The following ITGB1BP1 variants were observed in gnomAD, a reference collection of about 807,000 sequenced individuals.
ITGB1BP1 encodes the protein integrin beta-1-binding protein 1.
In ITGB1BP1, 20 loss-of-function variants were observed where a neutral mutation model predicts 28.0. The observed-to-expected ratio is 0.71, with a 90% CI of 0.50 to 1.04. The LOEUF (loss-of-function observed/expected upper bound fraction) is 1.04, where lower values mean the gene tolerates loss of function less well. Ranked by LOEUF, ITGB1BP1 falls within the 50% of genes least tolerant of loss-of-function variation. The probability of loss-of-function intolerance (pLI) is 0.00; values close to 1 mark genes in which losing one functional copy is unlikely to be tolerated. For synonymous variants in ITGB1BP1, 103 were observed against 89.5 expected (o/e 1.15, Z -0.85); for missense variants, 228 against 242.5 (o/e 0.94, Z 0.40).
intron 1 of ITGB1BP1, 45 bp downstream of exon 1, chr2:9,423,328 C>A: frequency 8.2e-7 from 1 of 1,220,126 alleles, no homozygotes; most frequent in Non-Finnish European, 1.0e-6. Context: ...TCCCGTCAGG[C>A]CTCCGCGAGC....
At chr2:9,422,893 C>G in intron 1 of ITGB1BP1, 1 of 986,272 alleles carries the variant, frequency 1.0e-6, no homozygotes, top group African/African-American at 1.7e-5. Flanking sequence ...AGAGTAAGGA[C>G]GGATGCGGCC....
intron 1 of ITGB1BP1, chr2:9,422,887 T>G: frequency 1.0e-6 from 1 of 985,836 alleles, no homozygotes; most frequent in South Asian, 4.7e-5. Context: ...GTCACCAGAG[T>G]AAGGACGGAT....
intron 1 of ITGB1BP1, among the ~76,000 whole-genome samples, chr2:9,420,617 T>C (rs1433966115): frequency 1.3e-5 from 2 of 152,128 alleles, no homozygotes; most frequent in Non-Finnish European, 2.9e-5. Context: ...CTGGAGGCAA[T>C]GCCGTGCGGG....
intron 4 of ITGB1BP1, among the ~76,000 whole-genome samples, chr2:9,409,640 AT>A (rs538797243): frequency 6.6e-6 from 1 of 150,756 alleles, no homozygotes; most frequent in African/African-American, 2.4e-5. Context: ...TAACAAAACC[AT>A]TTTTTTTTCT....
At chr2:9,422,054 TAAAA>T (rs1679944128) in intron 1 of ITGB1BP1, among the ~76,000 whole-genome samples, 1 of 152,120 alleles carries the variant, frequency 6.6e-6, no homozygotes, top group Non-Finnish European at 1.5e-5. Context: ...CCTCACCCTA[TAAAA>T]ATGCACATCC....
intron 2 of ITGB1BP1, among the ~76,000 whole-genome samples, chr2:9,416,388 A>G (rs968421438): frequency 3.3e-5 from 5 of 152,170 alleles, no homozygotes; most frequent in African/African-American, 9.7e-5. Context: ...CATGGAGTAC[A>G]GCAGAGGACC....
chr2:9,409,172 G>A (rs1677979803), intron 4 of ITGB1BP1, among the ~76,000 whole-genome samples: 1 of 152,206 alleles, frequency 6.6e-6, no homozygotes, highest in African/African-American at 2.4e-5. Context: ...CTCCCAGACC[G>A]GAATACCACC....
intron 1 of ITGB1BP1, among the ~76,000 whole-genome samples, chr2:9,421,686 C>CAAAA (rs200781388): frequency 0.036 from 2,865 of 78,632 alleles, 102 homozygotes; most frequent in African/African-American, 0.12. Flanking sequence ...GACTCCGTCT[C>CAAAA]AAAAAAAAAA....
At chr2:9,407,634 C>T (rs746089139) in intron 5 of ITGB1BP1, 36 bp from the exon 6 acceptor site, 3 of 1,611,640 alleles carry the variant, frequency 1.9e-6, no homozygotes, top group Non-Finnish European at 8.5e-7. Context: ...GAGATCAGGA[C>T]TCTCAAATGT....
chr2:9,411,142 TTTTGA>T (rs1572697793), intron 4 of ITGB1BP1, among the ~76,000 whole-genome samples: 1 of 152,238 alleles, frequency 6.6e-6, no homozygotes, highest in Non-Finnish European at 1.5e-5. Context: ...TATCTTATAC[TTTTGA>T]TTTAATTTTC....
intron 1 of ITGB1BP1, among the ~76,000 whole-genome samples, chr2:9,421,103 C>CTGA (rs1313970928): frequency 6.6e-6 from 1 of 152,086 alleles, no homozygotes; most frequent in Non-Finnish European, 1.5e-5. Flanking sequence ...CATATTTAAA[C>CTGA]ATCAGATACT....
In ITGB1BP1 at chr2:9,412,329, G is replaced by C; in HGVS notation, c.228C>G (p.Leu76=). The part of the protein sequence containing the change: ...KYVGAIEKLK[L]SEGKGLEGPL... ...GCCCTTCAAGGCCTTTTCCCTCGGA[G>C]AGTTTCAGTTTCTCAATGGCACCAA... The change falls in exon 4 of 7, where the codon CTC becomes CTG. Residue 76 remains leucine (L), a synonymous_variant. Coordinates refer to ENST00000355346, the MANE Select transcript of ITGB1BP1 (RefSeq NM_004763.5). The C allele has an allele frequency of 6.2e-7, 1 of 1,612,166 alleles. No homozygotes were observed. Among genetic ancestry groups the C allele is most frequent in the Non-Finnish European group, 8.5e-7 (1 of 1,178,596 alleles).
intron 3 of ITGB1BP1, 134 bp from the exon 4 acceptor site, chr2:9,412,539 AT>A: frequency 1.5e-6 from 1 of 685,096 alleles, no homozygotes; most frequent in Non-Finnish European, 2.4e-6. Flanking sequence ...AATACACAAT[AT>A]TTTTATGTAA....
At chr2:9,414,291 TG>T (rs1261220455) in intron 2 of ITGB1BP1, 35 bp from the exon 3 acceptor site, 1 of 1,526,054 alleles carries the variant, frequency 6.6e-7, no homozygotes, top group Non-Finnish European at 9.1e-7. Context: ...AAACCTCCAC[TG>T]AAGCAGCCCT....
At position 9,412,307 on chromosome 2, in the gene ITGB1BP1, C is replaced by T. The variant is rs752012988; in HGVS notation, c.250G>A (p.Gly84Arg). ...LKLSEGKGLE[G>R]PLDLINYIDV... is the part of the protein sequence containing the mutation. ...ATATAATTTATCAGGTCTAATGGCC[C>T]TTCAAGGCCTTTTCCCTCGGAGAGT... Residue 84 changes from glycine (G) to arginine (R), a missense_variant, in exon 4 of 7, where the codon GGG becomes AGG. Transcript: ENST00000355346. The T allele has an allele frequency of 6.2e-6, 10 of 1,612,368 alleles. No individual in the cohort carries two copies. Among genetic ancestry groups the T allele is most frequent in the Non-Finnish European group, 7.6e-6 (9 of 1,179,030 alleles).
chr2:9,418,647 G>A lies in ITGB1BP1; in HGVS notation c.51C>T (p.Ser17=), dbSNP rs143507814. The part of the protein sequence containing the change: ...KRHSSSSSQS[S]EISTKSKSVD... ...CTACCTTGCTCTTAGTACTGATTTCGCTACTTTGGGAACTGCTACTACTGT... is the reference window on the plus strand; with the variant it reads ...CTACCTTGCTCTTAGTACTGATTTCACTACTTTGGGAACTGCTACTACTGT... Residue 17 remains serine (S), a synonymous_variant, in exon 2 of 7, where the codon AGC becomes AGT. Transcript: ENST00000355346. 1.5e-5 allele frequency: 24 copies of A among 1,612,312 alleles called. No individual in the cohort carries two copies. The highest frequency in any genetic ancestry group is 1.7e-4 in the Middle Eastern group (1 of 6,060).
chr2:9,406,767 T>C lies in ITGB1BP1; in HGVS notation c.*67A>G, dbSNP rs1339373498. The stretch of plus-strand genomic sequence containing the variant: ...GGATAACTTCATTATTTGCATAACA[T>C]TTCAGCATTGCAGTTTGAAAACAGC... On this transcript the variant is annotated 3_prime_UTR_variant, in exon 7 of 7. Transcript: ENST00000355346. 151 of 1,023,312 alleles carry C rather than the reference T, an allele frequency of 1.5e-4. 1 individual carries two copies. The highest frequency in any genetic ancestry group is 3.1e-6 in the Non-Finnish European group (2 of 640,478). The allele number at this position is 1,023,312 out of a possible 1,614,324, so 63.4% of individuals were successfully genotyped here.
chr2:9,423,417 G>A lies in ITGB1BP1; in HGVS notation c.-80C>T. On this transcript the variant is annotated 5_prime_UTR_variant, in exon 1 of 7. Coordinates refer to ENST00000355346, the MANE Select transcript of ITGB1BP1 (RefSeq NM_004763.5). Reference sequence around the variant, plus strand: ...CCCCGGGTTGCGGACTTCGGGGTCCGCGTGGGAGTGCCGCGGCCTTTGGCG... The same window carrying A: ...CCCCGGGTTGCGGACTTCGGGGTCCACGTGGGAGTGCCGCGGCCTTTGGCG... The A allele has an allele frequency of 8.7e-7, 1 of 1,143,084 alleles. No homozygotes were observed. Among genetic ancestry groups the A allele is most frequent in the Admixed American group, 5.0e-5 (1 of 19,916 alleles). The allele number at this position is 1,143,084 out of a possible 1,614,324, so 70.8% of individuals were successfully genotyped here. A position where few individuals can be genotyped will look rare whatever the true frequency, so the allele number is the denominator to read the frequency against.
intron 1 of ITGB1BP1, among the ~76,000 whole-genome samples, chr2:9,419,123 T>C (rs1446100338): frequency 6.6e-6 from 1 of 152,240 alleles, no homozygotes; most frequent in Non-Finnish European, 1.5e-5. Context: ...TTATGCAAAA[T>C]AGAAATAAAA....
Sources: allele counts gnomAD v4.1 joint callset (sites outside exome capture counted in the v4.1 genomes callset), GRCh38; gene constraint gnomAD v4.1.1; transcripts MANE v1.5; gene names NCBI Gene and HGNC (gene_info 2026-07-23, HGNC 2026-07-21).